The following NIP7 variants were observed in gnomAD, a reference collection of about 807,000 sequenced individuals.
NIP7 encodes nucleolar pre-rRNA processing protein NIP7, also known as 60S ribosome subunit biogenesis protein NIP7 homolog.
Under a neutral mutation model 20.1 loss-of-function variants are expected in NIP7, and 12 were observed. The ratio of observed to expected loss-of-function variants is 0.60; its 90% CI spans 0.38 to 0.97. NIP7 has a LOEUF of 0.97. Among genes scored for constraint, NIP7 ranks in the 50% least tolerant of loss-of-function variants. The pLI, the probability that NIP7 is intolerant of heterozygous loss-of-function variation, is 0.00. For missense variants in NIP7, 226 were observed against 226.6 expected (o/e 1.00, Z 0.02); for synonymous variants, 103 against 87.2 (o/e 1.18, Z -1.01).
Position 69,340,075 on chromosome 16 carries a change from C to T in NIP7, c.126C>T (p.Asp42=), listed in dbSNP as rs534927340. ...DGTYCFRLHN[D]RVYYVSEKIM... is the part of the protein sequence containing the mutation. The stretch of plus-strand genomic sequence containing the variant: ...CCTACTGTTTCCGTCTGCACAACGA[C>T]CGGGTGTACTATGTGAGGTGAGGCG... The change falls in exon 2 of 5, where the codon GAC becomes GAT. Residue 42 remains aspartate, a synonymous_variant. Coordinates refer to ENST00000254940, the MANE Select transcript of NIP7 (RefSeq NM_016101.5). 3 of 1,614,126 alleles carry T rather than the reference C, an allele frequency of 1.9e-6. No individual in the cohort carries two copies. The South Asian group carries it at 3.3e-5, about 18-fold the overall frequency.
rs2012530713 is a variant in NIP7 at position 69,341,173 on chromosome 16, C to CT, written c.283-5dup. On this transcript the variant is annotated splice_polypyrimidine_tract_variant and splice_region_variant and intron_variant, in intron 3 of 4. Coordinates refer to ENST00000254940, the MANE Select transcript of NIP7 (RefSeq NM_016101.5). ...TTTATGTCTCTTGGATTTTAATTCTCTTATAGTATAAAGTTTGGATAAAGC... is the reference window on the plus strand; with the variant it reads ...TTTATGTCTCTTGGATTTTAATTCTCTTTATAGTATAAAGTTTGGATAAAGC... 1.9e-6 allele frequency: 3 copies of CT among 1,610,030 alleles called. No individual in the cohort carries two copies. Among genetic ancestry groups the CT allele is most frequent in the Non-Finnish European group, 2.5e-6 (3 of 1,178,558 alleles).
Position 69,340,203 on chromosome 16 carries a change from T to G in NIP7, c.153T>G (p.Ile51Met), listed in dbSNP as rs2012479163. Residue 51 changes from isoleucine to methionine, a missense_variant, in exon 3 of 5, where the codon ATT becomes ATG. Physicochemically the swap from Ile to Met is conservative, Grantham distance 10. Coordinates refer to ENST00000254940, the MANE Select transcript of NIP7 (RefSeq NM_016101.5). ...CCCTTTACCCTTTTAGTGAGAAGAT[T>G]ATGAAGCTGGCCGCCAATATTTCCG... ...NDRVYYVSEK[I>M]MKLAANISGD... The G allele has an allele frequency of 6.2e-7, 1 of 1,614,000 alleles. No homozygotes were observed. The highest frequency in any genetic ancestry group is 8.5e-7 in the Non-Finnish European group (1 of 1,180,038).
Position 69,340,087 on chromosome 16 carries a change from T to C in NIP7, c.138T>C (p.Tyr46=), listed in dbSNP as rs1288521309. The change falls in exon 2 of 5, where the codon TAT becomes TAC. Residue 46 remains tyrosine, a synonymous_variant. Coordinates refer to ENST00000254940, the MANE Select transcript of NIP7 (RefSeq NM_016101.5). ...GTCTGCACAACGACCGGGTGTACTA[T>C]GTGAGGTGAGGCGGGGCCGGGCAGG... ...CFRLHNDRVY[Y]VSEKIMKLAA... 39 of 1,613,870 alleles carry C rather than the reference T, an allele frequency of 2.4e-5. No homozygotes were observed. In the East Asian group the frequency reaches 6.7e-4, roughly 28 times the overall value.
chr16:69,340,116 C>T, intron 2 of NIP7, 24 bp downstream of exon 2: 2 of 1,613,406 alleles, frequency 1.2e-6, no homozygotes, highest in Non-Finnish European at 1.7e-6. Flanking sequence ...GGGCAGGCAG[C>T]ATGGACCCAG....
rs2012545938 is a variant in NIP7, at chr16:69,341,384, A to G, written c.423+64A>G. The G allele has an allele frequency of 1.9e-6, 3 of 1,588,064 alleles. No homozygotes were observed. The Admixed American group carries it at 5.2e-5, about 27-fold the overall frequency. Reference sequence around the variant, plus strand: ...CTTATTCAAGAAGGGTATGTCTTCAATCTGAGTGCTTGAGAGAATAAATTC... The same window carrying G: ...CTTATTCAAGAAGGGTATGTCTTCAGTCTGAGTGCTTGAGAGAATAAATTC... On this transcript the variant is annotated intron_variant, in intron 4 of 4. Transcript: ENST00000254940.
intron 3 of NIP7, chr16:69,340,621 A>G (rs1397592511): frequency 2.3e-6 from 1 of 428,108 alleles, no homozygotes; most frequent in Non-Finnish European, 4.2e-6. Context: ...GGTCCAGAAA[A>G]AGAGCTGTTA....
In NIP7 at chr16:69,339,797, A is replaced by G. The variant is rs1597227924; in HGVS notation, c.-33A>G. 2 of 1,611,414 alleles carry G rather than the reference A, an allele frequency of 1.2e-6. No individual in the cohort carries two copies. Among genetic ancestry groups the G allele is most frequent in the East Asian group, 2.2e-5 (1 of 44,888 alleles). ...GACTTCCGTTTCCAGTTACCAAGGC[A>G]CGAGGATCCGGTGTTCCAACCCAGG... On this transcript the variant is annotated 5_prime_UTR_variant, in exon 1 of 5. Coordinates refer to ENST00000254940, the MANE Select transcript of NIP7 (RefSeq NM_016101.5).
At chr16:69,340,115 G>A (rs765361745) in intron 2 of NIP7, 23 bp downstream of exon 2, 2 of 1,613,282 alleles carry the variant, frequency 1.2e-6, no homozygotes, top group Admixed American at 3.3e-5. Flanking sequence ...CGGGCAGGCA[G>A]CATGGACCCA....
In NIP7 at chr16:69,339,847, A is replaced by C. The variant is rs772073790; in HGVS notation, c.18A>C (p.Glu6Asp). 1 of 1,613,502 alleles carries C rather than the reference A, an allele frequency of 6.2e-7. No individual in the cohort carries two copies. Reference sequence around the variant, plus strand: ...GGGGAAAAATGCGGCCTTTGACTGAAGAGGAGACCCGTGTCATGTTTGAGA... The same window carrying C: ...GGGGAAAAATGCGGCCTTTGACTGACGAGGAGACCCGTGTCATGTTTGAGA... MRPLT[E>D]EETRVMFEKI... is the part of the protein sequence containing the mutation. Residue 6 changes from glutamate to aspartate, a missense_variant, in exon 1 of 5, where the codon GAA (glutamate) becomes GAC (aspartate). Coordinates refer to ENST00000254940, the MANE Select transcript of NIP7 (RefSeq NM_016101.5).
At position 69,341,819 on chromosome 16, in the gene NIP7, T is replaced by C. The variant is rs539932241; in HGVS notation, c.*167T>C. On this transcript the variant is annotated 3_prime_UTR_variant, in exon 5 of 5. Coordinates refer to ENST00000254940, the MANE Select transcript of NIP7 (RefSeq NM_016101.5). ...CTGACAAATGCAGGCTGGATTCTTA[T>C]TATATACAGAGATGGCTCAAAAATG... is the stretch of plus-strand genomic sequence containing the variant. 35 of 734,404 alleles carry C rather than the reference T, an allele frequency of 4.8e-5. No homozygotes were observed. Among genetic ancestry groups the C allele is most frequent in the African/African-American group, 4.3e-4 (24 of 56,412 alleles). 45.5% of individuals were successfully genotyped at this position (734,404 alleles called of 1,614,324 possible). A position where few individuals can be genotyped will look rare whatever the true frequency, so the allele number is the denominator to read the frequency against.
chr16:69,341,723 C>T lies in NIP7; in HGVS notation c.*71C>T. On this transcript the variant is annotated 3_prime_UTR_variant, in exon 5 of 5. Transcript: ENST00000254940. ...TTTGTTTCCTGTGTTTGTGTGGACT[C>T]CACCATCATGTTGAATTTTGTCAAC... is the stretch of plus-strand genomic sequence containing the variant. 2.5e-6 allele frequency: 4 copies of T among 1,581,264 alleles called. No individual in the cohort carries two copies. The highest frequency in any genetic ancestry group is 4.5e-5 in the East Asian group (2 of 44,524).
intron 1 of NIP7, 50 bp downstream of exon 1, chr16:69,339,935 G>A (rs1201614858): frequency 3.2e-5 from 51 of 1,612,944 alleles, no homozygotes; most frequent in Non-Finnish European, 3.9e-5. Flanking sequence ...GGTGGCCAAG[G>A]GTGGAGTGGG....
At chr16:69,340,921 C>G in intron 3 of NIP7, 1 of 342,674 alleles carries the variant, frequency 2.9e-6, no homozygotes, top group Non-Finnish European at 5.5e-6. Flanking sequence ...CTGTGTTGGC[C>G]AGGCTGGTCT....
chr16:69,340,639 C>A (rs2012502785), intron 3 of NIP7: 1 of 417,778 alleles, frequency 2.4e-6, no homozygotes, highest in African/African-American at 2.0e-5. Context: ...TTAACCTGGC[C>A]ATGGAGGATG....
chr16:69,340,236 G>A lies in NIP7; in HGVS notation c.186G>A (p.Lys62=), dbSNP rs778430290. 1 of 1,614,204 alleles carries A rather than the reference G, an allele frequency of 6.2e-7. No individual in the cohort carries two copies. The highest frequency in any genetic ancestry group is 1.1e-5 in the South Asian group (1 of 91,084). The part of the protein sequence containing the change: ...MKLAANISGD[K]LVSLGTCFGK... ...TGGCCGCCAATATTTCCGGGGACAA[G>A]CTGGTGTCGCTGGGGACCTGCTTTG... The change falls in exon 3 of 5, where the codon AAG becomes AAA. Residue 62 remains lysine, a synonymous_variant. Transcript: ENST00000254940.
chr16:69,341,255 C>T lies in NIP7; in HGVS notation c.358C>T (p.Arg120Ter), dbSNP rs61737981. The change falls in exon 4 of 5, where the codon CGA (arginine) becomes TGA (stop). Residue 120 changes from arginine to a stop codon, truncating the protein, a stop_gained. Transcript: ENST00000254940. LOFTEE classifies it high-confidence loss of function. ...CCATGTGTTGAAATCTGGTCTGGGT[C>T]GAATCACTGAAAATACTTCTCAGTA... ...GNHVLKSGLG[R>*]ITENTSQYQG... The T allele has an allele frequency of 2.1e-5, 34 of 1,613,868 alleles. No individual in the cohort carries two copies. Among genetic ancestry groups the T allele is most frequent in the Non-Finnish European group, 2.8e-5 (33 of 1,179,988 alleles).
In NIP7 at chr16:69,341,298, A is replaced by G. The variant is rs1315919877; in HGVS notation, c.401A>G (p.Tyr134Cys). 1 of 1,613,824 alleles carries G rather than the reference A, an allele frequency of 6.2e-7. No homozygotes were observed. The highest frequency in any genetic ancestry group is 1.3e-5 in the African/African-American group (1 of 74,858). ...TCTCAGTACCAGGGCGTGGTGGTGT[A>G]CTCCATGGCAGACATCCCTTTGGTG... ...NTSQYQGVVVYSMADIPLGFG... is the reference protein window; with the variant it reads ...NTSQYQGVVVCSMADIPLGFG... The change falls in exon 4 of 5, where the codon TAC becomes TGC. Residue 134 changes from tyrosine (Y) to cysteine (C), a missense_variant. Physicochemically the swap from Tyr to Cys is radical, Grantham distance 194. Transcript: ENST00000254940.
In NIP7 at chr16:69,340,259, T is replaced by G; in HGVS notation, c.209T>G (p.Phe70Cys). Residue 70 changes from phenylalanine to cysteine, a missense_variant, in exon 3 of 5, where the codon TTT becomes TGT. By Grantham distance (205) the Phe-to-Cys change is radical (BLOSUM62 -2). Coordinates refer to ENST00000254940, the MANE Select transcript of NIP7 (RefSeq NM_016101.5). ...AAGCTGGTGTCGCTGGGGACCTGCT[T>G]TGGAAAATTCACTAAAACCCACAAG... ...GDKLVSLGTC[F>C]GKFTKTHKFR... The G allele has an allele frequency of 1.2e-6, 2 of 1,614,156 alleles. No homozygotes were observed. The highest frequency in any genetic ancestry group is 4.5e-5 in the East Asian group (2 of 44,890).
Position 69,341,719 on chromosome 16 carries a change from G to A in NIP7, c.*67G>A. On this transcript the variant is annotated 3_prime_UTR_variant, in exon 5 of 5. Transcript: ENST00000254940. ...GAGCTTTGTTTCCTGTGTTTGTGTG[G>A]ACTCCACCATCATGTTGAATTTTGT... The A allele has an allele frequency of 6.3e-7, 1 of 1,593,582 alleles. No homozygotes were observed. Among genetic ancestry groups the A allele is most frequent in the South Asian group, 1.1e-5 (1 of 89,194 alleles).
Sources: gnomAD v4.1 joint callset for allele counts on GRCh38, gnomAD v4.1.1 for gene constraint, MANE v1.5 for transcripts, NCBI Gene and HGNC (gene_info 2026-07-23, HGNC 2026-07-21) for gene names.